KCNQ3: variants seen among roughly 807,000 people sequenced by gnomAD.
KCNQ3 encodes potassium voltage-gated channel subfamily KQT member 3.
In KCNQ3, 30 loss-of-function variants were observed where a neutral mutation model predicts 92.5. The ratio of observed to expected loss-of-function variants is 0.32; its 90% CI spans 0.24 to 0.44. The LOEUF (loss-of-function observed/expected upper bound fraction) is 0.44. Among genes scored for constraint, KCNQ3 ranks in the 20% least tolerant of loss-of-function variants. KCNQ3 has a pLI of 1.00. For synonymous variants in KCNQ3, 450 were observed against 468.8 expected (o/e 0.96, Z 0.52); for missense variants, 913 against 1,140.3 (o/e 0.80, Z 2.87).
intron 8 of KCNQ3, among the ~76,000 whole-genome samples, chr8:132,166,311 C>T (rs549929265): frequency 6.6e-6 from 1 of 152,298 alleles, no homozygotes; most frequent in Admixed American, 6.5e-5. Flanking sequence ...ATTCCACTCT[C>T]CCTACCAGGA....
chr8:132,229,930 T>C (rs538548990), intron 1 of KCNQ3, among the ~76,000 whole-genome samples: 119 of 152,238 alleles, frequency 7.8e-4, no homozygotes, highest in Non-Finnish European at 1.4e-3. Context: ...ACTCACATAA[T>C]TGGCATTTTT....
chr8:132,404,403 G>T (rs955476130), intron 1 of KCNQ3, among the ~76,000 whole-genome samples: 3 of 152,204 alleles, frequency 2.0e-5, no homozygotes, highest in Non-Finnish European at 2.9e-5. Context: ...ATTTATAGAG[G>T]TGATTAAAGT....
chr8:132,190,352 C>T (rs2130212195), intron 1 of KCNQ3, among the ~76,000 whole-genome samples: 1 of 152,174 alleles, frequency 6.6e-6, no homozygotes, highest in Middle Eastern at 3.4e-3. Context: ...GATGTCACTA[C>T]TCTGTGTATT....
At chr8:132,429,982 C>A (rs1282745557) in intron 1 of KCNQ3, among the ~76,000 whole-genome samples, 1 of 151,918 alleles carries the variant, frequency 6.6e-6, no homozygotes, top group Admixed American at 6.6e-5. Context: ...TTCATTCATT[C>A]ATTCAAAAAG....
intron 1 of KCNQ3, among the ~76,000 whole-genome samples, chr8:132,449,868 G>C (rs1372759986): frequency 6.6e-6 from 1 of 152,076 alleles, no homozygotes; most frequent in Non-Finnish European, 1.5e-5. Context: ...AGAAATTAAG[G>C]TACAAGATGG....
intron 1 of KCNQ3, among the ~76,000 whole-genome samples, chr8:132,437,265 G>A (rs965556086): frequency 3.4e-5 from 5 of 147,912 alleles, no homozygotes; most frequent in Non-Finnish European, 5.9e-5. Flanking sequence ...GGGCGACAGC[G>A]AGACTCCGTC....
intron 1 of KCNQ3, among the ~76,000 whole-genome samples, chr8:132,271,533 G>A (rs935210801): frequency 3.3e-5 from 5 of 151,866 alleles, no homozygotes; most frequent in East Asian, 1.9e-4. Context: ...TAACCTACAC[G>A]GACCACTGAG....
chr8:132,272,255 T>C lies in KCNQ3; in HGVS notation c.387-86074A>G, dbSNP rs776233624. 5.9e-5 allele frequency among the ~76,000 whole-genome samples: 9 copies of C among 152,206 alleles called. 1 individual carries two copies. Among genetic ancestry groups the C allele is most frequent in the African/African-American group, 1.2e-4 (5 of 41,464 alleles). ...TTCTCAGACCTTCCCTACCCTGCCA[T>C]TGGCAGTATTCATTGGGAGCTGCTG... is the stretch of plus-strand genomic sequence containing the variant. On this transcript the variant is annotated intron_variant, in intron 1 of 14. Transcript: ENST00000388996.
At position 132,186,137 on chromosome 8, in the gene KCNQ3, G is replaced by A. The variant is rs780217977; in HGVS notation, c.431C>T (p.Thr144Ile). 2 of 1,613,952 alleles carry A rather than the reference G, an allele frequency of 1.2e-6. No individual in the cohort carries two copies. Among genetic ancestry groups the A allele is most frequent in the Non-Finnish European group, 8.5e-7 (1 of 1,179,842 alleles). ...CGAGACAGTCTCATACTCCTTGAAT[G>A]TGGTCAGGACAGCCAGAATCAAGCA... ...LGCLILAVLT[T>I]FKEYETVSGD... Residue 144 changes from threonine to isoleucine, a missense_variant, in exon 2 of 15, where the codon ACA becomes ATA. This residue lies in a region of KCNQ3 where 100 missense variants were observed against 217.6 expected (regional missense o/e 0.46). Transcript: ENST00000388996.
chr8:132,143,570 G>C (rs1318000057), intron 9 of KCNQ3, among the ~76,000 whole-genome samples: 1 of 152,176 alleles, frequency 6.6e-6, no homozygotes, highest in African/African-American at 2.4e-5. Context: ...CACATCATTT[G>C]TGCTTTCTGG....
intron 1 of KCNQ3, among the ~76,000 whole-genome samples, chr8:132,473,766 TA>T (rs1462874428): frequency 1.3e-5 from 2 of 152,180 alleles, no homozygotes. Flanking sequence ...AAATTTATCT[TA>T]CCTCCAAATT....
chr8:132,375,982 G>A (rs1819595871), intron 1 of KCNQ3, among the ~76,000 whole-genome samples: 1 of 152,184 alleles, frequency 6.6e-6, no homozygotes, highest in Non-Finnish European at 1.5e-5. Context: ...CTCCTTGAGG[G>A]CAGGGGGGTG....
intron 1 of KCNQ3, among the ~76,000 whole-genome samples, chr8:132,448,426 G>A (rs1171007714): frequency 6.8e-6 from 1 of 147,298 alleles, no homozygotes; most frequent in East Asian, 2.0e-4. Flanking sequence ...AAAAGCAAAC[G>A]TCATGTAGGC....
intron 1 of KCNQ3, among the ~76,000 whole-genome samples, chr8:132,340,275 G>T (rs1818488562): frequency 6.6e-6 from 1 of 152,088 alleles, no homozygotes; most frequent in African/African-American, 2.4e-5. Context: ...ATGCCCAAAG[G>T]ATTATAAATC....
chr8:132,259,891 A>G (rs1815718531), intron 1 of KCNQ3, among the ~76,000 whole-genome samples: 1 of 152,180 alleles, frequency 6.6e-6, no homozygotes, highest in Non-Finnish European at 1.5e-5. Context: ...TTAAGAATAT[A>G]ATTACATGTA....
intron 1 of KCNQ3, among the ~76,000 whole-genome samples, chr8:132,403,196 T>C (rs1434545111): frequency 2.0e-5 from 3 of 151,694 alleles, no homozygotes; most frequent in Non-Finnish European, 4.4e-5. Flanking sequence ...AAAAATCTAT[T>C]ATTAATTTTT....
At chr8:132,347,714 A>C (rs921589533) in intron 1 of KCNQ3, among the ~76,000 whole-genome samples, 1 of 152,202 alleles carries the variant, frequency 6.6e-6, no homozygotes. Flanking sequence ...GCAGTGGCTC[A>C]CGCCTGTAAT....
rs149115367 is a variant in KCNQ3 at position 132,362,889 on chromosome 8, G to A, written c.386+117258C>T. 2.8e-3 allele frequency among the ~76,000 whole-genome samples: 430 copies of A among 152,296 alleles called. 2 individuals are homozygous for A. The highest frequency in any genetic ancestry group is 3.8e-3 in the Non-Finnish European group (258 of 68,026). Reference sequence around the variant, plus strand: ...ATAAGTCTTGTAATGGGGCGAGGGCGGCGTGGGTTGTAAACAGGGAGCAAC... The same window carrying A: ...ATAAGTCTTGTAATGGGGCGAGGGCAGCGTGGGTTGTAAACAGGGAGCAAC... On this transcript the variant is annotated intron_variant, in intron 1 of 14. Transcript: ENST00000388996.
rs560552893 is a variant in KCNQ3 at position 132,376,039 on chromosome 8, G to A, written c.386+104108C>T. On this transcript the variant is annotated intron_variant, in intron 1 of 14. Coordinates refer to ENST00000388996, the MANE Select transcript of KCNQ3 (RefSeq NM_004519.4). The stretch of plus-strand genomic sequence containing the variant: ...AGCACGAAGCCCAGGCGTATCTCTT[G>A]TCAGGCCCTCATGGAACATGCATGT... Among the ~76,000 whole-genome samples, 19 of 152,330 alleles carry A rather than the reference G, an allele frequency of 1.2e-4. No individual in the cohort carries two copies. In the South Asian group the frequency reaches 3.3e-3, roughly 27 times the overall value.
Sources: allele counts gnomAD v4.1 joint callset (sites outside exome capture counted in the v4.1 genomes callset), GRCh38; gene constraint gnomAD v4.1.1; regional missense constraint gnomAD v4.1.1; transcripts MANE v1.5; gene names NCBI Gene and HGNC (gene_info 2026-07-23, HGNC 2026-07-21).